Variants in ZFHX3 observed in about 807,000 individuals in gnomAD.
ZFHX3 encodes zinc finger homeobox 3.
A neutral mutation model predicts 279.1 loss-of-function variants in ZFHX3; 42 were observed. The observed-to-expected ratio is 0.15, with a 90% CI of 0.12 to 0.19. The LOEUF (loss-of-function observed/expected upper bound fraction) is 0.19. Ranked by LOEUF, ZFHX3 falls within the 10% of genes least tolerant of loss-of-function variation. ZFHX3 has a pLI of 1.00. For synonymous variants in ZFHX3, 2,293 were observed against 1,957.8 expected (o/e 1.17, Z -4.52); for missense variants, 4,981 against 4,754.0 (o/e 1.05, Z -1.40).
chr16:73,100,056 C>T (rs1416206699), intron 7 of ZFHX3, among the ~76,000 whole-genome samples: 1 of 152,136 alleles, frequency 6.6e-6, no homozygotes, highest in African/African-American at 2.4e-5. Context: ...AAGGGGAATT[C>T]AGACGAAAGA....
chr16:73,143,128 C>T (rs1028662416), intron 6 of ZFHX3, among the ~76,000 whole-genome samples: 6 of 151,910 alleles, frequency 3.9e-5, no homozygotes. Context: ...TGTTTCCCCC[C>T]TTTCTTCTCT....
At chr16:72,906,201 G>T (rs986172619) in intron 3 of ZFHX3, among the ~76,000 whole-genome samples, 1 of 151,910 alleles carries the variant, frequency 6.6e-6, no homozygotes, top group Non-Finnish European at 1.5e-5. Flanking sequence ...AGACTGGAAG[G>T]CCGGCCCGGG....
At chr16:73,007,513 C>G (rs1174340435) in intron 1 of ZFHX3, among the ~76,000 whole-genome samples, 2 of 152,132 alleles carry the variant, frequency 1.3e-5, no homozygotes, top group Non-Finnish European at 2.9e-5. Context: ...GTGGTGCGAT[C>G]TCGGCTCACT....
chr16:73,418,969 G>C (rs2017658032), intron 3 of ZFHX3, among the ~76,000 whole-genome samples: 1 of 152,202 alleles, frequency 6.6e-6, no homozygotes, highest in South Asian at 2.1e-4. Context: ...TCTCGTGGAA[G>C]ATTAACATGG....
At chr16:72,829,416 A>G (rs1330426445) in intron 5 of ZFHX3, 1 of 210,026 alleles carries the variant, frequency 4.8e-6, no homozygotes, top group East Asian at 1.0e-4. Context: ...TGGACCTTCA[A>G]TAGAGGAAGA....
At chr16:73,028,717 G>C (rs1050054759) in intron 1 of ZFHX3, among the ~76,000 whole-genome samples, 1 of 152,158 alleles carries the variant, frequency 6.6e-6, no homozygotes, top group Non-Finnish European at 1.5e-5. Context: ...TTGCTTCTCC[G>C]GGCCCATCCC....
At chr16:73,810,891 T>C (rs115227017) in intron 1 of ZFHX3, among the ~76,000 whole-genome samples, 118 of 152,202 alleles carry the variant, frequency 7.8e-4, no homozygotes, top group African/African-American at 2.6e-3. Flanking sequence ...ACTAATTTTA[T>C]AATATACCTA....
At chr16:73,856,478 G>A (rs1961731162) in intron 1 of ZFHX3, among the ~76,000 whole-genome samples, 1 of 152,116 alleles carries the variant, frequency 6.6e-6, no homozygotes, top group African/African-American at 2.4e-5. Context: ...TTTCAATCAA[G>A]GATGAGATTA....
Position 73,706,784 on chromosome 16 carries a change from C to T in ZFHX3, c.-1607-26544G>A, listed in dbSNP as rs560088549. Among the ~76,000 whole-genome samples, 26 of 152,264 alleles carry T rather than the reference C, an allele frequency of 1.7e-4. No homozygotes were observed. The South Asian group carries it at 4.8e-3, about 28-fold the overall frequency. On this transcript the variant is annotated intron_variant, in intron 1 of 17. Coordinates refer to the ZFHX3 transcript ENST00000641206. Reference sequence around the variant, plus strand: ...CTCCTATGCCAATTTTTCAGTGTATCATCTTCCGTTCCCCCACCCTCCACC... The same window carrying T: ...CTCCTATGCCAATTTTTCAGTGTATTATCTTCCGTTCCCCCACCCTCCACC...
At chr16:73,803,884 G>T (rs565842271) in intron 1 of ZFHX3, among the ~76,000 whole-genome samples, 106 of 152,284 alleles carry the variant, frequency 7.0e-4, no homozygotes, top group African/African-American at 2.2e-3. Context: ...AAACAGCCAG[G>T]CACAGTGGCT....
rs1160953538 is a variant in ZFHX3, at chr16:72,787,231, G to A, written c.11045C>T (p.Pro3682Leu). The change falls in exon 10 of 10, where the codon CCC becomes CTC. Residue 3682 changes from proline (P) to leucine (L), a missense_variant. Pro to Leu is a moderately conservative substitution (Grantham distance 98). Transcript: ENST00000268489. ...SDGPASPVEG[P>L]KDPSCPKDSG... ...GTCCTTGGGGCAGCTGGGGTCTTTG[G>A]GACCCTCCACCGGGCTCGCCGGTCC... 4.3e-6 allele frequency: 7 copies of A among 1,613,908 alleles called. No homozygotes were observed. Among genetic ancestry groups the A allele is most frequent in the Non-Finnish European group, 5.9e-6 (7 of 1,179,964 alleles).
intron 1 of ZFHX3, among the ~76,000 whole-genome samples, chr16:73,803,038 A>C (rs866160502): frequency 6.6e-6 from 1 of 152,076 alleles, no homozygotes; most frequent in Non-Finnish European, 1.5e-5. Flanking sequence ...TGACCTCAGG[A>C]GATTTGCCCG....
intron 1 of ZFHX3, among the ~76,000 whole-genome samples, chr16:73,058,194 C>CCGG (rs1189144862): frequency 3.5e-5 from 5 of 144,102 alleles, no homozygotes; most frequent in Admixed American, 6.8e-5. Flanking sequence ...TCGCCGGCGG[C>CCGG]CGGCGGCGGC....
At chr16:73,026,192 C>CAAA (rs60146795) in intron 1 of ZFHX3, among the ~76,000 whole-genome samples, 3 of 47,484 alleles carry the variant, frequency 6.3e-5, no homozygotes, top group East Asian at 7.4e-4. Context: ...ACAAAAAATA[C>CAAA]AAAAAAAAAA....
rs58052486 is a variant in ZFHX3, at chr16:73,134,331, C to CTTTT, written c.-1023-3241_-1023-3238dup. Among the ~76,000 whole-genome samples the CTTTT allele has an allele frequency of 4.2e-4, 21 of 50,314 alleles. 2 individuals are homozygous for CTTTT. Among genetic ancestry groups the CTTTT allele is most frequent in the East Asian group, 2.5e-3 (4 of 1,616 alleles). 33.0% of individuals were successfully genotyped at this position (50,314 alleles called of 152,430 possible). On this transcript the variant is annotated intron_variant, in intron 6 of 17. Transcript: ENST00000641206. ...ACCTTCCGTGTTAGTCTCCCCACCT[C>CTTTT]TTTTTTTTTTTTTTTTTTTTTTTTT...
Position 72,916,047 on chromosome 16 carries a change from G to A in ZFHX3, c.3217-26085C>T, listed in dbSNP as rs531966604. ...TTTAATGGCATCAGAAGCTGGAAAT[G>A]ACGGACTGGAATAGTATACGTGGCA... On this transcript the variant is annotated intron_variant, in intron 3 of 9. Transcript: ENST00000268489. Among the ~76,000 whole-genome samples, 4 of 152,322 alleles carry A rather than the reference G, an allele frequency of 2.6e-5. No homozygotes were observed. In the South Asian group the frequency reaches 8.3e-4, roughly 32 times the overall value.
chr16:73,457,481 CGAG>C (rs2018393395), intron 2 of ZFHX3, among the ~76,000 whole-genome samples: 2 of 152,134 alleles, frequency 1.3e-5, no homozygotes. Context: ...ACTTACAAAA[CGAG>C]GGAGTCGGCC....
intron 3 of ZFHX3, among the ~76,000 whole-genome samples, chr16:72,936,892 G>A (rs989032427): frequency 6.6e-6 from 1 of 152,142 alleles, no homozygotes; most frequent in African/African-American, 2.4e-5. Flanking sequence ...GAAATACAGA[G>A]AGACGATGGG....
intron 1 of ZFHX3, among the ~76,000 whole-genome samples, chr16:73,760,523 G>A (rs1205379780): frequency 6.6e-6 from 1 of 150,656 alleles, no homozygotes. Flanking sequence ...ACCAAAACCT[G>A]ACAAAAAAAG....
Sources: gnomAD v4.1 joint callset for allele counts (sites outside exome capture counted in the v4.1 genomes callset) on GRCh38, gnomAD v4.1.1 for gene constraint, MANE v1.5 for transcripts, NCBI Gene and HGNC (gene_info 2026-07-23, HGNC 2026-07-21) for gene names.